The following KDM6A variants were observed in gnomAD, a reference collection of about 807,000 sequenced individuals.
The protein encoded by KDM6A is lysine demethylase 6A, also known as lysine-specific demethylase 6A.
Under a neutral mutation model 117.6 loss-of-function variants are expected in KDM6A, and 11 were observed. That is an observed-to-expected ratio of 0.09 (90% CI 0.06 to 0.15). The LOEUF (loss-of-function observed/expected upper bound fraction) is 0.15, where lower values mean the gene tolerates loss of function less well. Among genes scored for constraint, KDM6A ranks in the 10% least tolerant of loss-of-function variants. The pLI is 1.00. For synonymous variants in KDM6A, 384 were observed against 396.1 expected (o/e 0.97, Z 0.36); for missense variants, 799 against 1,077.3 (o/e 0.74, Z 3.62).
intron 2 of KDM6A, among the ~76,000 whole-genome samples, chrX:44,950,160 C>T (rs927847305): frequency 3.6e-5 from 4 of 110,096 alleles, no homozygotes; most frequent in Non-Finnish European, 7.6e-5. Flanking sequence ...GGACTACAGG[C>T]GCGTGCCACC....
chrX:44,880,900 A>G (rs1244107347), intron 2 of KDM6A, among the ~76,000 whole-genome samples: 1 of 112,176 alleles, frequency 8.9e-6, no homozygotes, highest in Non-Finnish European at 1.9e-5. Context: ...AGATACTTGT[A>G]AAGGCCTTTC....
intron 10 of KDM6A, among the ~76,000 whole-genome samples, chrX:45,057,433 T>A (rs1285122211): frequency 1.8e-5 from 2 of 111,728 alleles, no homozygotes; most frequent in African/African-American, 6.5e-5. Context: ...TTTTGGTTTC[T>A]TGTTTCTCTT....
At chrX:44,952,749 G>T (rs909410943) in intron 2 of KDM6A, among the ~76,000 whole-genome samples, 1 of 110,907 alleles carries the variant, frequency 9.0e-6, no homozygotes, top group Non-Finnish European at 1.9e-5. Context: ...GTGTGTTAAT[G>T]ATTATTTCAT....
chrX:45,003,201 A>G (rs1299139676), intron 4 of KDM6A, among the ~76,000 whole-genome samples: 3 of 109,657 alleles, frequency 2.7e-5, no homozygotes, highest in Admixed American at 2.0e-4. Flanking sequence ...GAGTTGCCCT[A>G]TCAATTACTG....
Position 45,010,904 on chromosome X carries a change from A to G in KDM6A, c.385-57A>G. ...GGATACCGTATTTTACAATAATAACATCATATATGTTAGATACAAGTATTT... is the reference window on the plus strand; with the variant it reads ...GGATACCGTATTTTACAATAATAACGTCATATATGTTAGATACAAGTATTT... On this transcript the variant is annotated intron_variant, in intron 4 of 29. Coordinates refer to ENST00000611820, the MANE Select transcript of KDM6A (RefSeq NM_001291415.2). The G allele has an allele frequency of 7.0e-6, 6 of 852,566 alleles. No individual in the cohort carries two copies. In the South Asian group the frequency reaches 1.0e-4, roughly 15 times the overall value. 70.3% of individuals were successfully genotyped at this position (852,566 alleles called of 1,213,427 possible). A position where few individuals can be genotyped will look rare whatever the true frequency, so the allele number is the denominator to read the frequency against.
At chrX:44,958,396 A>G (rs1288310697) in intron 2 of KDM6A, among the ~76,000 whole-genome samples, 2 of 109,334 alleles carry the variant, frequency 1.8e-5, no homozygotes, top group Non-Finnish European at 3.8e-5. Context: ...GATAGCCAGG[A>G]TGGTCTCCAT....
intron 8 of KDM6A, among the ~76,000 whole-genome samples, chrX:45,041,707 A>G: frequency 9.3e-6 from 1 of 107,022 alleles, no homozygotes; most frequent in South Asian, 4.3e-4. Context: ...GGCGGGGAAG[A>G]GGCGCTCCTC....
Position 45,063,756 on chromosome X carries a change from G to T in KDM6A, c.2018G>T (p.Arg673Leu). ...AACGCACTCACTCTACCTCATAACCGCACAAACCTGACCAGCAGCGCAGAG... is the reference window on the plus strand; with the variant it reads ...AACGCACTCACTCTACCTCATAACCTCACAAACCTGACCAGCAGCGCAGAG... The part of the protein sequence containing the change: ...QRNALTLPHN[R>L]TNLTSSAEEP... Residue 673 changes from arginine to leucine, a missense_variant, in exon 17 of 30, where the codon CGC becomes CTC. Arg to Leu is a moderately radical substitution (Grantham distance 102). Transcript: ENST00000611820. 8.3e-7 allele frequency: 1 copy of T among 1,205,699 alleles called. No individual in the cohort carries two copies. Among genetic ancestry groups the T allele is most frequent in the Admixed American group, 2.2e-5 (1 of 45,454 alleles).
At chrX:45,095,064 A>AGG (rs2046049223) in intron 27 of KDM6A, among the ~76,000 whole-genome samples, 1 of 111,371 alleles carries the variant, frequency 9.0e-6, no homozygotes, top group Non-Finnish European at 1.9e-5. Flanking sequence ...AGTAAGAGGA[A>AGG]GGAGTGAATG....
At chrX:44,986,047 T>G (rs1056952975) in intron 4 of KDM6A, among the ~76,000 whole-genome samples, 6 of 111,789 alleles carry the variant, frequency 5.4e-5, no homozygotes, top group African/African-American at 1.6e-4. Flanking sequence ...CCTGGACTTT[T>G]TTTGGTTGGT....
intron 8 of KDM6A, among the ~76,000 whole-genome samples, chrX:45,042,415 T>TA (rs1183826490): frequency 7.4e-5 from 8 of 108,371 alleles, no homozygotes; most frequent in Non-Finnish European, 1.3e-4. Flanking sequence ...ATGAAAGGAT[T>TA]AAAAAAAAAC....
rs758753408 is a variant in KDM6A, at chrX:44,873,238, C to T, written c.-314C>T. 1 of 313,260 alleles carries T rather than the reference C, an allele frequency of 3.2e-6. No homozygotes were observed. The highest frequency in any genetic ancestry group is 2.8e-5 in the African/African-American group (1 of 35,691). The allele number at this position is 313,260 out of a possible 1,213,427, so 25.8% of individuals were successfully genotyped here. A position where few individuals can be genotyped will look rare whatever the true frequency, so the allele number is the denominator to read the frequency against. On this transcript the variant is annotated 5_prime_UTR_variant, in exon 1 of 30. Transcript: ENST00000611820. ...GAAGTTTGTGTCTCCAACGAATCCCCTCAGTGCTCCCCAGCCCCGCGCGCT... is the reference window on the plus strand; with the variant it reads ...GAAGTTTGTGTCTCCAACGAATCCCTTCAGTGCTCCCCAGCCCCGCGCGCT...
chrX:45,006,175 C>T (rs1319091811), intron 4 of KDM6A, among the ~76,000 whole-genome samples: 5 of 87,032 alleles, frequency 5.7e-5, no homozygotes, highest in African/African-American at 8.5e-5. Context: ...CCCCCCCCGC[C>T]GCCATGTTGC....
intron 21 of KDM6A, 124 bp downstream of exon 21, chrX:45,079,475 G>C (rs1394818636): frequency 7.8e-6 from 4 of 511,746 alleles, no homozygotes; most frequent in Non-Finnish European, 1.3e-5. Flanking sequence ...TACTTTGTAA[G>C]TGTTCTCCAG....
At chrX:45,030,093 G>A (rs1175477534) in intron 6 of KDM6A, among the ~76,000 whole-genome samples, 2 of 110,737 alleles carry the variant, frequency 1.8e-5, no homozygotes, top group African/African-American at 3.3e-5. Flanking sequence ...ATAAAGTAGG[G>A]GATAAAGAAA....
chrX:44,874,108 G>C (rs1030129368), intron 2 of KDM6A, 121 bp downstream of exon 2: 1 of 648,617 alleles, frequency 1.5e-6, no homozygotes, highest in East Asian at 3.5e-5. Flanking sequence ...GGGGCTTCCG[G>C]AAACTATTTC....
At chrX:45,107,619 T>G in intron 28 of KDM6A, 83 bp downstream of exon 28, 1 of 972,274 alleles carries the variant, frequency 1.0e-6, no homozygotes, top group Non-Finnish European at 1.4e-6. Flanking sequence ...TTAAAAAACT[T>G]TTTTATACTT....
intron 8 of KDM6A, among the ~76,000 whole-genome samples, chrX:45,043,560 T>G (rs751609428): frequency 9.0e-6 from 1 of 111,222 alleles, no homozygotes; most frequent in South Asian, 3.8e-4. Context: ...GTGGATCACT[T>G]GAAGCCCAGA....
chrX:45,078,990 C>G (rs1357588322), intron 20 of KDM6A, among the ~76,000 whole-genome samples, 156 bp from the exon 21 acceptor site: 2 of 109,711 alleles, frequency 1.8e-5, no homozygotes, highest in South Asian at 4.0e-4. Flanking sequence ...GCAAACTTGG[C>G]ACATAGCTCA....
Sources: gnomAD v4.1 joint callset for allele counts (sites outside exome capture counted in the v4.1 genomes callset) on GRCh38, gnomAD v4.1.1 for gene constraint, MANE v1.5 for transcripts, NCBI Gene and HGNC (gene_info 2026-07-23, HGNC 2026-07-21) for gene names.